The following PHLDB1 variants were observed in gnomAD, a reference collection of about 807,000 sequenced individuals.
The protein encoded by PHLDB1 is pleckstrin homology like domain family B member 1.
A neutral mutation model predicts 139.3 loss-of-function variants in PHLDB1; 65 were observed. The observed-to-expected ratio is 0.47, with a 90% CI of 0.38 to 0.57. The LOEUF (loss-of-function observed/expected upper bound fraction) is 0.57, where lower values mean the gene tolerates loss of function less well. Ranked by LOEUF, PHLDB1 falls within the 20% of genes least tolerant of loss-of-function variation. The probability of loss-of-function intolerance (pLI) is 0.00; values close to 1 mark genes in which losing one functional copy is unlikely to be tolerated. For missense variants in PHLDB1, 1,624 were observed against 1,839.7 expected, an observed-to-expected ratio of 0.88 and a Z score of 2.14; for synonymous variants, 679 against 734.5, an observed-to-expected ratio of 0.92 and a Z score of 1.22.
chr11:118,620,230 C>T lies in PHLDB1; in HGVS notation c.355+4019C>T, dbSNP rs959736903. Reference sequence around the variant, plus strand: ...TGACTGGGCCGGGTGCAGTGGCTCACGCCTGTAATCCCAACACTTTGGGAG... The same window carrying T: ...TGACTGGGCCGGGTGCAGTGGCTCATGCCTGTAATCCCAACACTTTGGGAG... On this transcript the variant is annotated intron_variant, in intron 4 of 22. Coordinates refer to ENST00000600882, the MANE Select transcript of PHLDB1 (RefSeq NM_001144758.3). The surrounding 1 kb of genome is among the most constrained non-coding windows in gnomAD (Gnocchi z 4.1). 2.6e-5 allele frequency among the ~76,000 whole-genome samples: 4 copies of T among 152,232 alleles called. No individual in the cohort carries two copies. Among genetic ancestry groups the T allele is most frequent in the Non-Finnish European group, 5.9e-5 (4 of 68,046 alleles).
rs1555107177 is a variant in PHLDB1, at chr11:118,628,751, TTC to T, written c.1827+102_1827+103del. On this transcript the variant is annotated intron_variant, in intron 6 of 22. Transcript: ENST00000600882. The stretch of plus-strand genomic sequence containing the variant: ...AGCAGGAGAGGCCCTCAAACAGGGC[TTC>T]GGCTTCTCAAGGTTCCCCACCTCCA... 5.0e-6 allele frequency: 6 copies of T among 1,188,606 alleles called. No individual in the cohort carries two copies. In the African/African-American group the frequency reaches 9.3e-5, roughly 18 times the overall value. 73.6% of individuals were successfully genotyped at this position (1,188,606 alleles called of 1,614,324 possible). A position where few individuals can be genotyped will look rare whatever the true frequency, so the allele number is the denominator to read the frequency against.
In PHLDB1 at chr11:118,639,084, T is replaced by C. The variant is rs1249119358; in HGVS notation, c.2647-78T>C. 6 of 1,554,610 alleles carry C rather than the reference T, an allele frequency of 3.9e-6. No homozygotes were observed. The East Asian group carries it at 1.1e-4, about 29-fold the overall frequency. ...CAGAAGGACTGGGGTGTAAATGTGC[T>C]GGGGTGGAGCACAGGGCCCCCCTCA... On this transcript the variant is annotated intron_variant, in intron 11 of 22. Transcript: ENST00000600882.
intron 11 of PHLDB1, 77 bp from the exon 12 acceptor site, chr11:118,639,085 G>A: frequency 6.5e-7 from 1 of 1,539,902 alleles, no homozygotes; most frequent in Non-Finnish European, 9.0e-7. Context: ...TAAATGTGCT[G>A]GGGTGGAGCA....
chr11:118,655,660 G>A lies in PHLDB1; in HGVS notation c.3930G>A (p.Val1310=), dbSNP rs782127557. 6.2e-7 allele frequency: 1 copy of A among 1,613,522 alleles called. No individual in the cohort carries two copies. Among genetic ancestry groups the A allele is most frequent in the Non-Finnish European group, 8.5e-7 (1 of 1,179,520 alleles). The change falls in exon 21 of 23, where the codon GTG becomes GTA. Residue 1310 remains valine, a synonymous_variant. Transcript: ENST00000600882. The stretch of plus-strand genomic sequence containing the variant: ...TCTATTTCCAGGCCATTGAGGAAGT[G>A]TACTACGACCACCTGCGCAGTGCAG... ...GVIYFQAIEE[V]YYDHLRSAAK...
chr11:118,607,243 A>G (rs1462617997), upstream of PHLDB1, among the ~76,000 whole-genome samples: 1 of 149,914 alleles, frequency 6.7e-6, no homozygotes, highest in Non-Finnish European at 1.5e-5. Flanking sequence ...GATTGTCAAA[A>G]ACACCCTCTC....
rs77395014 is a variant in PHLDB1, at chr11:118,613,810, C to A, written c.-21-6C>A. On this transcript the variant is annotated splice_polypyrimidine_tract_variant and splice_region_variant and intron_variant, in intron 1 of 22. Transcript: ENST00000600882. ...CCCACTCACCACCTTTCTGCTGTGT[C>A]CCTAGGAGCTCTGGAGCCTTAGGAC... 3.0e-4 allele frequency: 475 copies of A among 1,598,806 alleles called. 8 individuals carry two copies. In the East Asian group the frequency reaches 0.011, roughly 35 times the overall value.
rs573063100 is a variant in PHLDB1, at chr11:118,640,550, T to G, written c.2736+1299T>G. ...ATTTTTCTGCTAGGCTTTTAGCTGTTCTTGCTAAGGCCTCTTTCTCACAGC... is the reference window on the plus strand; with the variant it reads ...ATTTTTCTGCTAGGCTTTTAGCTGTGCTTGCTAAGGCCTCTTTCTCACAGC... On this transcript the variant is annotated intron_variant, in intron 12 of 22. Coordinates refer to ENST00000600882, the MANE Select transcript of PHLDB1 (RefSeq NM_001144758.3). 8 of 152,468 alleles carry G rather than the reference T, an allele frequency of 5.2e-5. No individual in the cohort carries two copies. In the South Asian group the frequency reaches 1.7e-3, roughly 32 times the overall value. The allele number at this position is 152,468 out of a possible 1,614,324, so 9.4% of individuals were successfully genotyped here.
At chr11:118,607,805 T>C (rs1227599239) in intron 1 of PHLDB1, 106 bp downstream of exon 1, 1 of 152,238 alleles carries the variant, frequency 6.6e-6, no homozygotes, top group South Asian at 2.1e-4. Flanking sequence ...AGATCAGCTC[T>C]AGGCTAGGGA....
chr11:118,618,669 C>A (rs1942153072), intron 4 of PHLDB1, among the ~76,000 whole-genome samples: 1 of 151,910 alleles, frequency 6.6e-6, no homozygotes, highest in Non-Finnish European at 1.5e-5. Flanking sequence ...TAGTCATATG[C>A]CTATCTGTGA....
At chr11:118,642,053 T>G in intron 12 of PHLDB1, 96 of 587,626 alleles carry the variant, frequency 1.6e-4, no homozygotes, top group Middle Eastern at 7.2e-4. Flanking sequence ...ATGCTCTCCT[T>G]TCTCCCTTCC....
At position 118,625,072 on chromosome 11, in the gene PHLDB1, G is replaced by A. The variant is rs371739996; in HGVS notation, c.481+13G>A. ...AGCCCTGTTCCTGGTAGGTACCGAC[G>A]GGGGCAGGGTGCTGGGTTGATGGTG... On this transcript the variant is annotated intron_variant, in intron 5 of 22. Coordinates refer to ENST00000600882, the MANE Select transcript of PHLDB1 (RefSeq NM_001144758.3). 1.3e-5 allele frequency: 21 copies of A among 1,588,770 alleles called. No individual in the cohort carries two copies. In the African/African-American group the frequency reaches 1.8e-4, roughly 13 times the overall value.
intron 1 of PHLDB1, among the ~76,000 whole-genome samples, chr11:118,607,989 C>G (rs894520577): frequency 4.6e-5 from 7 of 152,220 alleles, no homozygotes; most frequent in Admixed American, 2.6e-4. Context: ...AACTCTGATC[C>G]TGGCCCTATC....
In PHLDB1 at chr11:118,657,079, C is replaced by G. The variant is rs1252473785; in HGVS notation, c.*256C>G. ...CCTCAGCTCTGACCTGACACCTGCT[C>G]TCCCCAGCCTGTTTTCTCTTTTCTA... On this transcript the variant is annotated 3_prime_UTR_variant, in exon 23 of 23. Coordinates refer to ENST00000600882, the MANE Select transcript of PHLDB1 (RefSeq NM_001144758.3). 5 of 362,506 alleles carry G rather than the reference C, an allele frequency of 1.4e-5. No individual in the cohort carries two copies. The highest frequency in any genetic ancestry group is 1.0e-4 in the African/African-American group (5 of 48,696). The allele number at this position is 362,506 out of a possible 1,614,324, so 22.5% of individuals were successfully genotyped here. A position where few individuals can be genotyped will look rare whatever the true frequency, so the allele number is the denominator to read the frequency against.
rs1217774172 is a variant in PHLDB1, at chr11:118,632,865, G to A, written c.2379+569G>A. 2.0e-6 allele frequency: 2 copies of A among 983,436 alleles called. No homozygotes were observed. Among genetic ancestry groups the A allele is most frequent in the East Asian group, 2.3e-4 (2 of 8,816 alleles). The allele number at this position is 983,436 out of a possible 1,614,324, so 60.9% of individuals were successfully genotyped here. The stretch of plus-strand genomic sequence containing the variant: ...TGCCCAACACCGTGCCAAAAGCTCT[G>A]AAGTGGAGAGGGGTCATCTATTTCT... On this transcript the variant is annotated intron_variant, in intron 9 of 22. Coordinates refer to ENST00000600882, the MANE Select transcript of PHLDB1 (RefSeq NM_001144758.3). The surrounding 1 kb of genome is among the most constrained non-coding windows in gnomAD (Gnocchi z 5.9).
chr11:118,610,312 T>C lies in PHLDB1; in HGVS notation c.-22+2613T>C. ...TTTTTCTCATCCTTAAGTTCTCTCG[T>C]CCCCCTCCCCACTCGGGCGTCCCCC... On this transcript the variant is annotated intron_variant, in intron 1 of 22. Coordinates refer to ENST00000600882, the MANE Select transcript of PHLDB1 (RefSeq NM_001144758.3). This position sits in a 1 kb window ranked among gnomAD's most constrained non-coding sequence, Gnocchi z 8.7. 4.1e-6 allele frequency: 1 copy of C among 241,876 alleles called. No homozygotes were observed. Among genetic ancestry groups the C allele is most frequent in the Non-Finnish European group, 6.7e-6 (1 of 150,302 alleles). The allele number at this position is 241,876 out of a possible 1,614,324, so 15.0% of individuals were successfully genotyped here. A position where few individuals can be genotyped will look rare whatever the true frequency, so the allele number is the denominator to read the frequency against.
rs1328506317 is a variant in PHLDB1, at chr11:118,643,650, T to G, written c.2878-150T>G. ...GCAGCTGCCAATAGCATCTGGCCATTGGGCTGGCTCAGGAGGCTTGTTGTC... is the reference window on the plus strand; with the variant it reads ...GCAGCTGCCAATAGCATCTGGCCATGGGGCTGGCTCAGGAGGCTTGTTGTC... On this transcript the variant is annotated intron_variant, in intron 13 of 22. Transcript: ENST00000600882. The G allele has an allele frequency of 3.3e-6, 5 of 1,532,106 alleles. No homozygotes were observed. In the African/African-American group the frequency reaches 6.9e-5, roughly 21 times the overall value. The allele number at this position is 1,532,106 out of a possible 1,614,324, so 94.9% of individuals were successfully genotyped here.
intron 4 of PHLDB1, among the ~76,000 whole-genome samples, chr11:118,623,030 C>T (rs1171370199): frequency 6.6e-6 from 1 of 152,168 alleles, no homozygotes; most frequent in Non-Finnish European, 1.5e-5. Context: ...CCAAGCAATG[C>T]CCAGGATCCC....
In PHLDB1 at chr11:118,621,579, C is replaced by T. The variant is rs1198936220; in HGVS notation, c.356-3355C>T. The T allele has an allele frequency of 2.6e-5, 4 of 152,382 alleles. No individual in the cohort carries two copies. The East Asian group carries it at 7.7e-4, about 29-fold the overall frequency. 9.4% of individuals were successfully genotyped at this position (152,382 alleles called of 1,614,324 possible). On this transcript the variant is annotated intron_variant, in intron 4 of 22. Transcript: ENST00000600882. ...CGGGCCAGCCACAGTCCCCAAGCAGCCAAGCTTGGAGAAGCTCAGACTGGG... is the reference window on the plus strand; with the variant it reads ...CGGGCCAGCCACAGTCCCCAAGCAGTCAAGCTTGGAGAAGCTCAGACTGGG...
rs782347016 is a variant in PHLDB1 at position 118,616,230 on chromosome 11, A to G, written c.355+19A>G. 2 of 1,610,384 alleles carry G rather than the reference A, an allele frequency of 1.2e-6. No homozygotes were observed. Among genetic ancestry groups the G allele is most frequent in the South Asian group, 2.2e-5 (2 of 90,888 alleles). ...ACTCAGGGTAAGGCTGGACACCTCC[A>G]GATGGAGGGGGCCTCTGTTTAAAGG... On this transcript the variant is annotated intron_variant, in intron 4 of 22. Coordinates refer to ENST00000600882, the MANE Select transcript of PHLDB1 (RefSeq NM_001144758.3).
Sources: allele counts gnomAD v4.1 joint callset (sites outside exome capture counted in the v4.1 genomes callset), GRCh38; gene constraint gnomAD v4.1.1; non-coding constraint Gnocchi (gnomAD v3.1); transcripts MANE v1.5; gene names NCBI Gene and HGNC (gene_info 2026-07-23, HGNC 2026-07-21).